MYO1E: variants seen among roughly 807,000 people sequenced by gnomAD.
MYO1E encodes myosin IE.
MYO1E carries 68 observed loss-of-function variants against 151.1 expected under a neutral mutation model. That is an observed-to-expected ratio of 0.45 (90% CI 0.37 to 0.55). The LOEUF is 0.55. Among genes scored for constraint, MYO1E ranks in the 20% least tolerant of loss-of-function variants. The pLI is 0.00. For synonymous variants in MYO1E, 601 were observed against 501.7 expected, an observed-to-expected ratio of 1.20 and a Z score of -2.64; for missense variants, 1,363 against 1,389.3, an observed-to-expected ratio of 0.98 and a Z score of 0.30.
chr15:59,360,522 G>C (rs185632181), intron 1 of MYO1E, among the ~76,000 whole-genome samples: 58 of 152,254 alleles, frequency 3.8e-4, no homozygotes, highest in African/African-American at 1.3e-3. Flanking sequence ...GCATGGTTTG[G>C]CATGATTCAT....
intron 1 of MYO1E, among the ~76,000 whole-genome samples, chr15:59,300,803 C>T (rs751419117): frequency 1.5e-4 from 23 of 151,658 alleles, no homozygotes; most frequent in African/African-American, 3.1e-4. Flanking sequence ...GATAAAATCA[C>T]AATCATAACA....
At chr15:59,299,801 C>A (rs1226400354) in intron 1 of MYO1E, among the ~76,000 whole-genome samples, 3 of 152,182 alleles carry the variant, frequency 2.0e-5, no homozygotes, top group African/African-American at 7.2e-5. Context: ...TTTAGAAACA[C>A]CAGCCCAAAT....
chr15:59,331,488 T>C (rs189734635), intron 1 of MYO1E, among the ~76,000 whole-genome samples: 9 of 151,854 alleles, frequency 5.9e-5, no homozygotes, highest in Admixed American at 5.2e-4. Flanking sequence ...ATGGGAGAGG[T>C]AGAACAATAT....
chr15:59,139,127 C>T (rs1039388796), intron 26 of MYO1E, among the ~76,000 whole-genome samples: 1 of 152,012 alleles, frequency 6.6e-6, no homozygotes, highest in African/African-American at 2.4e-5. Context: ...CTTATTATGC[C>T]TCAGACCTCA....
At chr15:59,199,874 T>G (rs569043286) in intron 16 of MYO1E, among the ~76,000 whole-genome samples, 1 of 152,174 alleles carries the variant, frequency 6.6e-6, no homozygotes, top group African/African-American at 2.4e-5. Context: ...TGGCTATGTA[T>G]CTGTAAGAGG....
Position 59,353,926 on chromosome 15 carries a change from A to C in MYO1E, c.3+18572T>G, listed in dbSNP as rs567866495. Among the ~76,000 whole-genome samples, 4 of 152,304 alleles carry C rather than the reference A, an allele frequency of 2.6e-5. No homozygotes were observed. The East Asian group carries it at 7.7e-4, about 29-fold the overall frequency. On this transcript the variant is annotated intron_variant, in intron 1 of 27. Transcript: ENST00000288235. Reference sequence around the variant, plus strand: ...CCCAAAACCTAAAGCATGTGAACATAAATAGGCTCCAAAATAATCTAGAGT... The same window carrying C: ...CCCAAAACCTAAAGCATGTGAACATCAATAGGCTCCAAAATAATCTAGAGT...
At chr15:59,155,126 G>T (rs2079502545) in intron 25 of MYO1E, among the ~76,000 whole-genome samples, 1 of 152,190 alleles carries the variant, frequency 6.6e-6, no homozygotes, top group East Asian at 1.9e-4. Context: ...TCTTAGGAGT[G>T]TGACATGCCC....
Position 59,350,936 on chromosome 15 carries a change from A to G in MYO1E, c.3+21562T>C, listed in dbSNP as rs1344580296. Among the ~76,000 whole-genome samples the G allele has an allele frequency of 1.3e-5, 2 of 152,128 alleles. No homozygotes were observed. Among genetic ancestry groups the G allele is most frequent in the African/African-American group, 2.4e-5 (1 of 41,422 alleles). ...TTTTGAGACGGAGTCTCGCTCTGTC[A>G]CCCAGGCTGGCGTGCAGTGGCGCGA... On this transcript the variant is annotated intron_variant, in intron 1 of 27. Transcript: ENST00000288235. The surrounding 1 kb of genome is among the most constrained non-coding windows in gnomAD (Gnocchi z 5.0).
intron 18 of MYO1E, among the ~76,000 whole-genome samples, chr15:59,184,807 G>A (rs187656607): frequency 2.3e-3 from 345 of 152,228 alleles, no homozygotes; most frequent in Non-Finnish European, 3.5e-3. Context: ...CCATACCTAG[G>A]AGTGGGCTTG....
intron 22 of MYO1E, among the ~76,000 whole-genome samples, chr15:59,167,019 T>TG (rs1260384256): frequency 6.6e-6 from 1 of 152,164 alleles, no homozygotes; most frequent in African/African-American, 2.4e-5. Flanking sequence ...ACCAGGTAGG[T>TG]GCTCAATCCC....
At chr15:59,213,884 C>T (rs1381808630) in intron 12 of MYO1E, among the ~76,000 whole-genome samples, 1 of 152,148 alleles carries the variant, frequency 6.6e-6, no homozygotes, top group Non-Finnish European at 1.5e-5. Context: ...TCTGAGGAAA[C>T]CAAGTCTTTT....
intron 11 of MYO1E, among the ~76,000 whole-genome samples, 162 bp from the exon 12 acceptor site, chr15:59,214,476 G>C (rs1375701018): frequency 6.6e-6 from 1 of 152,172 alleles, no homozygotes; most frequent in Non-Finnish European, 1.5e-5. Context: ...ATTTGGTAAA[G>C]GCACATGAAG....
At chr15:59,367,755 A>T (rs2080922593) in intron 1 of MYO1E, among the ~76,000 whole-genome samples, 1 of 152,246 alleles carries the variant, frequency 6.6e-6, no homozygotes, top group Non-Finnish European at 1.5e-5. Flanking sequence ...GTTAAGACTT[A>T]CAATAAAGTG....
At position 59,265,829 on chromosome 15, in the gene MYO1E, T is replaced by C. The variant is rs188592459; in HGVS notation, c.148-4320A>G. 1.5e-3 allele frequency among the ~76,000 whole-genome samples: 218 copies of C among 145,532 alleles called. 1 individual carries two copies. The highest frequency in any genetic ancestry group is 4.9e-3 in the African/African-American group (193 of 39,138). On this transcript the variant is annotated intron_variant, in intron 2 of 27. Transcript: ENST00000288235. Reference sequence around the variant, plus strand: ...AAAAAAAAAAAAAAATTGCCAGGCATGGTGGTCTTCACATGTAGTCCCAGC... The same window carrying C: ...AAAAAAAAAAAAAAATTGCCAGGCACGGTGGTCTTCACATGTAGTCCCAGC...
intron 12 of MYO1E, among the ~76,000 whole-genome samples, chr15:59,211,538 G>C (rs549579010): frequency 6.6e-6 from 1 of 152,046 alleles, no homozygotes; most frequent in East Asian, 1.9e-4. Flanking sequence ...TCTATACCTC[G>C]CCACGGGGTT....
intron 3 of MYO1E, among the ~76,000 whole-genome samples, 159 bp downstream of exon 3, chr15:59,261,261 T>A (rs2080223118): frequency 1.3e-5 from 2 of 151,386 alleles, no homozygotes; most frequent in Admixed American, 1.3e-4. Context: ...AAAATAAAAA[T>A]AAAAAGCAGA....
In MYO1E at chr15:59,179,006, T is replaced by C. The variant is rs181018786; in HGVS notation, c.1905-469A>G. On this transcript the variant is annotated intron_variant, in intron 18 of 27. Transcript: ENST00000288235. ...ACTTTCACCTTTGAAATTCTGTGCATCTGGGTCACGAGGCCCTTGGGATCT... is the reference window on the plus strand; with the variant it reads ...ACTTTCACCTTTGAAATTCTGTGCACCTGGGTCACGAGGCCCTTGGGATCT... Among the ~76,000 whole-genome samples the C allele has an allele frequency of 8.5e-5, 13 of 152,360 alleles. No homozygotes were observed. The East Asian group carries it at 2.5e-3, about 29-fold the overall frequency.
chr15:59,284,212 T>A (rs184618568), intron 1 of MYO1E, among the ~76,000 whole-genome samples: 74 of 152,342 alleles, frequency 4.9e-4, no homozygotes, highest in Non-Finnish European at 2.1e-4. Context: ...CCTCACAACA[T>A]GTTTGCTGTA....
intron 10 of MYO1E, among the ~76,000 whole-genome samples, chr15:59,217,272 T>C (rs772632123): frequency 6.6e-6 from 1 of 152,220 alleles, no homozygotes; most frequent in Non-Finnish European, 1.5e-5. Flanking sequence ...CCTAAATCTT[T>C]AGGTCCAAAA....
Sources: gnomAD v4.1 joint callset for allele counts (sites outside exome capture counted in the v4.1 genomes callset) on GRCh38, gnomAD v4.1.1 for gene constraint, Gnocchi (gnomAD v3.1) non-coding constraint, MANE v1.5 for transcripts, NCBI Gene and HGNC (gene_info 2026-07-23, HGNC 2026-07-21) for gene names.